NTM: variants seen among roughly 807,000 people sequenced by gnomAD.
The protein encoded by NTM is IgLON family member 2.
Under a neutral mutation model 42.1 loss-of-function variants are expected in NTM, and 13 were observed. That is an observed-to-expected ratio of 0.31 (90% CI 0.20 to 0.49). The LOEUF is 0.49. Ranked by LOEUF, NTM falls within the 20% of genes least tolerant of loss-of-function variation. NTM has a pLI of 0.99. For missense variants in NTM, 373 were observed against 452.8 expected (o/e 0.82, Z 1.60); for synonymous variants, 187 against 179.2 (o/e 1.04, Z -0.35).
intron 2 of NTM, among the ~76,000 whole-genome samples, chr11:132,102,196 G>A (rs1172481813): frequency 7.2e-5 from 11 of 152,272 alleles, no homozygotes; most frequent in South Asian, 2.1e-4. Flanking sequence ...CAAAGTATCC[G>A]AACTATGACT....
intron 1 of NTM, among the ~76,000 whole-genome samples, chr11:131,453,583 G>C (rs925855034): frequency 3.9e-5 from 6 of 151,992 alleles, no homozygotes; most frequent in African/African-American, 1.5e-4. Flanking sequence ...CAAAAGAAGA[G>C]TTTATCCAGG....
At chr11:131,683,268 C>T (rs866097040) in intron 1 of NTM, among the ~76,000 whole-genome samples, 1 of 152,176 alleles carries the variant, frequency 6.6e-6, no homozygotes. Context: ...CTGGTTTTTG[C>T]TCCTCTGAAG....
chr11:131,511,169 C>T (rs555220384), intron 1 of NTM, among the ~76,000 whole-genome samples: 5 of 152,288 alleles, frequency 3.3e-5, no homozygotes, highest in East Asian at 1.9e-4. Flanking sequence ...TCGTACACTC[C>T]TCTGAGACCT....
chr11:131,420,162 A>G (rs1259052842), intron 1 of NTM, among the ~76,000 whole-genome samples: 1 of 152,172 alleles, frequency 6.6e-6, no homozygotes, highest in African/African-American at 2.4e-5. Flanking sequence ...TGGAGAAAGG[A>G]ACTTTGCTGA....
chr11:131,617,693 G>A (rs1482709632), intron 1 of NTM, among the ~76,000 whole-genome samples: 2 of 152,196 alleles, frequency 1.3e-5, no homozygotes, highest in Non-Finnish European at 2.9e-5. Context: ...ATAGGGGCTC[G>A]TGTGAACAGA....
intron 1 of NTM, among the ~76,000 whole-genome samples, chr11:131,505,781 G>T (rs1198411131): frequency 6.6e-6 from 1 of 152,206 alleles, no homozygotes; most frequent in Admixed American, 6.5e-5. Flanking sequence ...CAACCCAGTT[G>T]AGAACTATCT....
intron 2 of NTM, among the ~76,000 whole-genome samples, chr11:131,921,556 T>C (rs2057230310): frequency 6.6e-6 from 1 of 152,184 alleles, no homozygotes; most frequent in South Asian, 2.1e-4. Context: ...GTTTTGATAC[T>C]ATATTATGAC....
intron 1 of NTM, among the ~76,000 whole-genome samples, chr11:131,635,777 G>C (rs977757880): frequency 6.6e-6 from 1 of 152,046 alleles, no homozygotes; most frequent in African/African-American, 2.4e-5. Context: ...TCTTCTCACT[G>C]ACTCACCCAG....
intron 1 of NTM, among the ~76,000 whole-genome samples, chr11:131,707,690 A>C (rs2135255869): frequency 6.6e-6 from 1 of 152,212 alleles, no homozygotes; most frequent in South Asian, 2.1e-4. Context: ...TCATTCTAAC[A>C]GGTCTGAGCA....
chr11:132,309,255 C>T lies in NTM; in HGVS notation c.662-857C>T, dbSNP rs189162467. On this transcript the variant is annotated intron_variant, in intron 5 of 8. Transcript: ENST00000683400. ...AATGTGAAGAGTAGTTTGGTAAAGA[C>T]GTCAAATGAATGCAAACCAAGTGCG... 1.2e-3 allele frequency among the ~76,000 whole-genome samples: 177 copies of T among 152,250 alleles called. 2 individuals carry two copies. Among genetic ancestry groups the T allele is most frequent in the South Asian group, 2.3e-3 (11 of 4,820 alleles).
At chr11:131,982,778 C>A (rs1446621105) in intron 2 of NTM, among the ~76,000 whole-genome samples, 1 of 152,178 alleles carries the variant, frequency 6.6e-6, no homozygotes, top group Non-Finnish European at 1.5e-5. Context: ...CTATTAAAAC[C>A]TTTCCTTGTT....
chr11:131,623,016 A>G (rs1025191741), intron 1 of NTM, among the ~76,000 whole-genome samples: 1 of 152,216 alleles, frequency 6.6e-6, no homozygotes, highest in African/African-American at 2.4e-5. Context: ...TGAAGAAACA[A>G]CTTATCTCAA....
intron 2 of NTM, among the ~76,000 whole-genome samples, chr11:132,085,533 A>G (rs1005314492): frequency 6.6e-6 from 1 of 152,242 alleles, no homozygotes; most frequent in African/African-American, 2.4e-5. Context: ...CATTTTAACA[A>G]CATTTGCATT....
At chr11:132,222,310 C>G (rs575941621) in intron 4 of NTM, among the ~76,000 whole-genome samples, 1 of 152,336 alleles carries the variant, frequency 6.6e-6, no homozygotes, top group African/African-American at 2.4e-5. Flanking sequence ...TCTGACCTGA[C>G]TTTTGTTTTC....
intron 1 of NTM, among the ~76,000 whole-genome samples, chr11:131,483,420 A>G (rs1466076467): frequency 2.0e-5 from 3 of 152,256 alleles, no homozygotes; most frequent in Non-Finnish European, 4.4e-5. Flanking sequence ...ACTGAGGCCT[A>G]GTGCCATAGA....
At position 132,309,679 on chromosome 11, in the gene NTM, AT is replaced by A. The variant is rs1467848327; in HGVS notation, c.662-430del. ...AAAAAGGTTTTTATTCTCTGGTACA[AT>A]TTATGTAGCAGTTTTACCTTCTAAG... On this transcript the variant is annotated intron_variant, in intron 5 of 8. Transcript: ENST00000683400. Among the ~76,000 whole-genome samples, 5 of 152,340 alleles carry A rather than the reference AT, an allele frequency of 3.3e-5. No individual in the cohort carries two copies. The East Asian group carries it at 9.6e-4, about 29-fold the overall frequency.
intron 1 of NTM, among the ~76,000 whole-genome samples, chr11:131,852,269 G>A (rs1423918412): frequency 1.3e-5 from 2 of 152,122 alleles, no homozygotes; most frequent in Non-Finnish European, 2.9e-5. Flanking sequence ...ACATCTAAAA[G>A]GTCTAAAATC....
At chr11:132,162,416 A>G (rs563865274) in intron 3 of NTM, among the ~76,000 whole-genome samples, 2 of 132,096 alleles carry the variant, frequency 1.5e-5, no homozygotes, top group Non-Finnish European at 3.1e-5. Flanking sequence ...TTTGTGGGAC[A>G]TGTGTTAATG....
At position 131,926,263 on chromosome 11, in the gene NTM, C is replaced by T. The variant is rs547090583; in HGVS notation, c.167+14615C>T. Among the ~76,000 whole-genome samples, 43 of 152,236 alleles carry T rather than the reference C, an allele frequency of 2.8e-4. 1 individual carries two copies. The highest frequency in any genetic ancestry group is 9.9e-4 in the African/African-American group (41 of 41,528). ...GTTACCTTCTTCAGCCCTTGAGCAG[C>T]GCACAAGCTGCACAACTGTACTTAG... On this transcript the variant is annotated intron_variant, in intron 2 of 8. Coordinates refer to ENST00000683400, the MANE Select transcript of NTM (RefSeq NM_001352005.2).
Sources: allele counts gnomAD v4.1 joint callset (sites outside exome capture counted in the v4.1 genomes callset), GRCh38; gene constraint gnomAD v4.1.1; transcripts MANE v1.5; gene names NCBI Gene and HGNC (gene_info 2026-07-23, HGNC 2026-07-21).